Variants in ABCC5 observed in about 807,000 individuals in gnomAD.
The protein encoded by ABCC5 is ATP-binding cassette sub-family C member 5.
Under a neutral mutation model 160.9 loss-of-function variants are expected in ABCC5, and 61 were observed. The ratio of observed to expected loss-of-function variants is 0.38; its 90% CI spans 0.31 to 0.47. The LOEUF (loss-of-function observed/expected upper bound fraction) is 0.47. Among genes scored for constraint, ABCC5 ranks in the 20% least tolerant of loss-of-function variants. The probability of loss-of-function intolerance (pLI) is 0.99; values close to 1 mark genes in which losing one functional copy is unlikely to be tolerated. For synonymous variants in ABCC5, 666 were observed against 700.6 expected, an observed-to-expected ratio of 0.95 and a Z score of 0.78; for missense variants, 1,308 against 1,813.3, an observed-to-expected ratio of 0.72 and a Z score of 5.06.
At position 183,937,638 on chromosome 3, in the gene ABCC5, G is replaced by A. The variant is rs4148592; in HGVS notation, c.3854+263C>T. Reference sequence around the variant, plus strand: ...GGTTAAATAACTTGTCCGAAGTCACGGAGCAGAGCCCTGGGCCCAGACCTC... The same window carrying A: ...GGTTAAATAACTTGTCCGAAGTCACAGAGCAGAGCCCTGGGCCCAGACCTC... On this transcript the variant is annotated intron_variant, in intron 26 of 29. Coordinates refer to ENST00000334444, the MANE Select transcript of ABCC5 (RefSeq NM_005688.4). Among the ~76,000 whole-genome samples the A allele has an allele frequency of 0.015, 2,232 of 152,312 alleles. 97 individuals carry two copies. In the East Asian group the frequency reaches 0.17, roughly 11 times the overall value.
At chr3:183,997,522 T>G (rs985835213) in intron 2 of ABCC5, among the ~76,000 whole-genome samples, 1 of 152,170 alleles carries the variant, frequency 6.6e-6, no homozygotes, top group Non-Finnish European at 1.5e-5. Flanking sequence ...TCCTTCCTCC[T>G]ATGTCTTCCC....
intron 23 of ABCC5, among the ~76,000 whole-genome samples, chr3:183,946,873 C>G (rs1342567370): frequency 1.3e-5 from 2 of 152,050 alleles, no homozygotes; most frequent in African/African-American, 4.8e-5. Context: ...CCTCAATCAC[C>G]CCTAGGGGCT....
chr3:183,956,553 G>A (rs1466059035), intron 17 of ABCC5, among the ~76,000 whole-genome samples: 1 of 149,066 alleles, frequency 6.7e-6, no homozygotes, highest in Admixed American at 6.7e-5. Context: ...TATCACATCG[G>A]TTACATGCAG....
intron 18 of ABCC5, 111 bp downstream of exon 18, chr3:183,952,975 A>T: frequency 1.6e-6 from 2 of 1,255,058 alleles, no homozygotes; most frequent in Non-Finnish European, 2.2e-6. Context: ...ATCTCTCTTT[A>T]CAGCTTCTTT....
chr3:183,996,744 T>C (rs1018404000), intron 2 of ABCC5, among the ~76,000 whole-genome samples: 1 of 152,188 alleles, frequency 6.6e-6, no homozygotes, highest in Non-Finnish European at 1.5e-5. Flanking sequence ...AGAATTCTCA[T>C]GTAACAAAGC....
In ABCC5 at chr3:183,949,703, G is replaced by T. The variant is rs367591255; in HGVS notation, c.3227+50C>A. ...AGAGCCTCCCGGACAAGTATCAAACGCTGGGATGCTGACTCCCCTTTGAGG... is the reference window on the plus strand; with the variant it reads ...AGAGCCTCCCGGACAAGTATCAAACTCTGGGATGCTGACTCCCCTTTGAGG... On this transcript the variant is annotated intron_variant, in intron 22 of 29. Coordinates refer to ENST00000334444, the MANE Select transcript of ABCC5 (RefSeq NM_005688.4). The surrounding 1 kb of genome is among the most constrained non-coding windows in gnomAD (Gnocchi z 4.2). The T allele has an allele frequency of 1.3e-4, 209 of 1,600,164 alleles. No homozygotes were observed. Among genetic ancestry groups the T allele is most frequent in the Non-Finnish European group, 1.7e-4 (196 of 1,172,628 alleles).
intron 2 of ABCC5, among the ~76,000 whole-genome samples, chr3:184,010,266 C>CAAA (rs10541470): frequency 5.6e-4 from 42 of 74,438 alleles, no homozygotes; most frequent in African/African-American, 6.8e-4. Context: ...GACTTCGTCT[C>CAAA]AAAAAAAAAA....
At position 184,014,278 on chromosome 3, in the gene ABCC5, T is replaced by C. The variant is rs374378641; in HGVS notation, c.115A>G (p.Arg39Gly). The C allele has an allele frequency of 1.9e-6, 3 of 1,613,978 alleles. No homozygotes were observed. Among genetic ancestry groups the C allele is most frequent in the Non-Finnish European group, 2.5e-6 (3 of 1,179,944 alleles). ...AGGAAACTGACCGGTCGAGTTCTCC[T>C]GAACTTGGAATCTTCACGGTCTCTG... is the stretch of plus-strand genomic sequence containing the variant. ...THRDREDSKF[R>G]RTRPLECQDA... The change falls in exon 2 of 30, where the codon AGG becomes GGG. Residue 39 changes from arginine to glycine, a missense_variant. By Grantham distance (125) the Arg-to-Gly change is moderately radical. Around this residue, in one of 3 missense-constraint regions of ABCC5, gnomAD observed 1,142 missense variants for 1,527.1 expected, o/e 0.75. Transcript: ENST00000334444.
At chr3:183,970,943 T>C (rs182809985) in intron 11 of ABCC5, among the ~76,000 whole-genome samples, 31 of 152,260 alleles carry the variant, frequency 2.0e-4, no homozygotes, top group Non-Finnish European at 3.7e-4. Context: ...TGAATGAATA[T>C]ATACACATCC....
chr3:183,956,830 A>G (rs1716060857), intron 17 of ABCC5, among the ~76,000 whole-genome samples: 2 of 48,828 alleles, frequency 4.1e-5, no homozygotes, highest in Non-Finnish European at 6.9e-5. Flanking sequence ...ATCCGTGTGT[A>G]AATCACATCG....
At chr3:183,943,145 G>C (rs986067420) in intron 24 of ABCC5, among the ~76,000 whole-genome samples, 2 of 152,214 alleles carry the variant, frequency 1.3e-5, no homozygotes, top group African/African-American at 4.8e-5. Flanking sequence ...GCAGCCTGGG[G>C]AGGGAAGTGG....
chr3:184,015,979 G>A (rs1372119092), intron 1 of ABCC5, among the ~76,000 whole-genome samples: 1 of 152,146 alleles, frequency 6.6e-6, no homozygotes, highest in African/African-American at 2.4e-5. Flanking sequence ...GGGTTGGGGC[G>A]GTGAGCAGTT....
rs1720136308 is a variant in ABCC5, at chr3:183,994,909, G to C, written c.130-5526C>G. On this transcript the variant is annotated intron_variant, in intron 2 of 29. Transcript: ENST00000334444. ...TCTTGCTCTGTTGCCCAGGCTGGGA[G>C]TGCAATGGCATGATCACGGCTCATT... Among the ~76,000 whole-genome samples, 2 of 147,962 alleles carry C rather than the reference G, an allele frequency of 1.4e-5. 1 individual carries two copies. Among genetic ancestry groups the C allele is most frequent in the South Asian group, 4.2e-4 (2 of 4,710 alleles).
chr3:184,009,886 T>C (rs866000907), intron 2 of ABCC5: 3 of 358,110 alleles, frequency 8.4e-6, no homozygotes, highest in Admixed American at 6.4e-5. Context: ...TGGTGCCACA[T>C]GCCTGTAATC....
intron 2 of ABCC5, among the ~76,000 whole-genome samples, chr3:183,993,590 C>G (rs1204768362): frequency 6.6e-6 from 1 of 151,358 alleles, no homozygotes; most frequent in Non-Finnish European, 1.5e-5. Context: ...TTATAGAATT[C>G]TATTAGATTC....
rs1416973051 is a variant in ABCC5, at chr3:183,951,996, G to C, written c.2675C>G (p.Thr892Ser). ...YWIKQGSGNTTVTRGNETSVS... is the reference protein window; with the variant it reads ...YWIKQGSGNTSVTRGNETSVS... ...CGAGGTCTCGTTCCCTCGAGTCACA[G>C]TGGTGTTCTGTTTGAAGCCAAAGTT... Residue 892 changes from threonine (T) to serine (S), a missense_variant, in exon 19 of 30, where the codon ACT (threonine) becomes AGT (serine). Physicochemically the swap from Thr to Ser is moderately conservative, Grantham distance 58. Coordinates refer to ENST00000334444, the MANE Select transcript of ABCC5 (RefSeq NM_005688.4). The surrounding 1 kb of genome is among the most constrained non-coding windows in gnomAD (Gnocchi z 4.7). 12 of 1,608,444 alleles carry C rather than the reference G, an allele frequency of 7.5e-6. No homozygotes were observed. The highest frequency in any genetic ancestry group is 1.0e-5 in the Non-Finnish European group (12 of 1,175,596).
At chr3:183,959,917 C>T in intron 16 of ABCC5, 82 bp from the exon 17 acceptor site, 1 of 940,106 alleles carries the variant, frequency 1.1e-6, no homozygotes, top group Non-Finnish European at 1.6e-6. Context: ...AGGGAATCAT[C>T]AATTAAACTG....
At position 184,001,152 on chromosome 3, in the gene ABCC5, C is replaced by T. The variant is rs562787681; in HGVS notation, c.130-11769G>A. On this transcript the variant is annotated intron_variant, in intron 2 of 29. Transcript: ENST00000334444. Reference sequence around the variant, plus strand: ...ATTGTAGTCCTAGCTACTCAGGAGGCTGAGGCAGGAGGATCACAGGAGCCC... The same window carrying T: ...ATTGTAGTCCTAGCTACTCAGGAGGTTGAGGCAGGAGGATCACAGGAGCCC... 1.4e-5 allele frequency: 6 copies of T among 434,842 alleles called. No individual in the cohort carries two copies. In the East Asian group the frequency reaches 1.7e-4, roughly 12 times the overall value. The allele number at this position is 434,842 out of a possible 1,614,324, so 26.9% of individuals were successfully genotyped here. A position where few individuals can be genotyped will look rare whatever the true frequency, so the allele number is the denominator to read the frequency against.
chr3:183,984,245 G>A (rs1035923565), intron 5 of ABCC5: 17 of 985,646 alleles, frequency 1.7e-5, no homozygotes, highest in Non-Finnish European at 1.9e-5. Context: ...GCATCCTTCT[G>A]GGTCTTTTCA....
Sources: allele counts gnomAD v4.1 joint callset (sites outside exome capture counted in the v4.1 genomes callset), GRCh38; gene constraint gnomAD v4.1.1; regional missense constraint gnomAD v4.1.1; non-coding constraint Gnocchi (gnomAD v3.1); transcripts MANE v1.5; gene names NCBI Gene and HGNC (gene_info 2026-07-23, HGNC 2026-07-21).